Variants in FEZ1 observed in about 807,000 individuals in gnomAD.
The protein encoded by FEZ1 is fasciculation and elongation protein zeta 1.
Under a neutral mutation model 49.3 loss-of-function variants are expected in FEZ1, and 20 were observed. The observed-to-expected ratio is 0.41, with a 90% CI of 0.29 to 0.59. FEZ1 has a LOEUF of 0.59. FEZ1 is among the 20% of genes least tolerant of loss of function. The pLI, the probability that FEZ1 is intolerant of heterozygous loss-of-function variation, is 0.36. For missense variants in FEZ1, 413 were observed against 476.0 expected, an observed-to-expected ratio of 0.87 and a Z score of 1.23; for synonymous variants, 170 against 180.9, an observed-to-expected ratio of 0.94 and a Z score of 0.48.
chr11:125,475,680 C>G (rs1957224519), intron 3 of FEZ1, among the ~76,000 whole-genome samples: 1 of 151,970 alleles, frequency 6.6e-6, no homozygotes, highest in Non-Finnish European at 1.5e-5. Flanking sequence ...CAACAAACCC[C>G]CATGACACAA....
chr11:125,494,522 TAGACTTCCA>T (rs1957438079), intron 1 of FEZ1, among the ~76,000 whole-genome samples: 1 of 152,238 alleles, frequency 6.6e-6, no homozygotes, highest in African/African-American at 2.4e-5. Context: ...TTATTCCCTT[TAGACTTCCA>T]AGATCAAAAA....
In FEZ1 at chr11:125,490,121, C is replaced by T. The variant is rs1461001366; in HGVS notation, c.-45-299G>A. ...AGTAAACACAGGTGAGTGCTTAAAACAGTACCTGGAAGATAATAAGTGCCA... is the reference window on the plus strand; with the variant it reads ...AGTAAACACAGGTGAGTGCTTAAAATAGTACCTGGAAGATAATAAGTGCCA... On this transcript the variant is annotated intron_variant, in intron 1 of 9. Transcript: ENST00000278919. 2.0e-5 allele frequency among the ~76,000 whole-genome samples: 3 copies of T among 152,320 alleles called. No individual in the cohort carries two copies. The East Asian group carries it at 5.8e-4, about 29-fold the overall frequency.
At chr11:125,450,319 C>T (rs1448775586) in intron 8 of FEZ1, among the ~76,000 whole-genome samples, 1 of 152,216 alleles carries the variant, frequency 6.6e-6, no homozygotes, top group Non-Finnish European at 1.5e-5. Flanking sequence ...CGTGAGCCAC[C>T]ATACTCGGCC....
intron 6 of FEZ1, among the ~76,000 whole-genome samples, chr11:125,455,118 C>T (rs1225500846): frequency 1.3e-5 from 2 of 151,700 alleles, no homozygotes; most frequent in South Asian, 2.1e-4. Flanking sequence ...GGGCCAGGCA[C>T]GGTGGCTCAT....
At chr11:125,490,752 G>A (rs1957373692) in intron 1 of FEZ1, among the ~76,000 whole-genome samples, 1 of 151,926 alleles carries the variant, frequency 6.6e-6, no homozygotes, top group Non-Finnish European at 1.5e-5. Flanking sequence ...TCCAATAAAT[G>A]CCTGAGTTGT....
chr11:125,496,047 C>T (rs1293645201), intron 1 of FEZ1, 74 bp downstream of exon 1: 1 of 164,036 alleles, frequency 6.1e-6, no homozygotes, highest in Non-Finnish European at 1.3e-5. Context: ...CCCGGGGCCT[C>T]CTTACCACCC....
Position 125,475,275 on chromosome 11 carries a change from T to TACACACACACACAC in FEZ1, c.411+6245_411+6258dup, listed in dbSNP as rs67243081. ...ACACAGCAAGACCCTGTCTCAAAAA[T>TACACACACACACAC]ACACACACACACACACACACACACA... On this transcript the variant is annotated intron_variant, in intron 3 of 9. Transcript: ENST00000278919. 2.6e-3 allele frequency among the ~76,000 whole-genome samples: 366 copies of TACACACACACACAC among 141,800 alleles called. 3 individuals carry two copies. The highest frequency in any genetic ancestry group is 0.025 in the East Asian group (118 of 4,708). 93.0% of individuals were successfully genotyped at this position (141,800 alleles called of 152,430 possible).
At chr11:125,458,398 T>C (rs1347514355) in intron 5 of FEZ1, among the ~76,000 whole-genome samples, 3 of 152,244 alleles carry the variant, frequency 2.0e-5, no homozygotes, top group Non-Finnish European at 4.4e-5. Flanking sequence ...CAGCCGTTTC[T>C]TGTGCACAGT....
At position 125,492,968 on chromosome 11, in the gene FEZ1, T is replaced by TAA. The variant is rs200489748; in HGVS notation, c.-45-3148_-45-3147dup. On this transcript the variant is annotated intron_variant, in intron 1 of 9. Coordinates refer to ENST00000278919, the MANE Select transcript of FEZ1 (RefSeq NM_005103.5). ...GGGTGACAAAGTGAGACCCTATCTT[T>TAA]AAAAAAAAAAAAAAAAAAGTTAAAA... Among the ~76,000 whole-genome samples, 1,092 of 124,848 alleles carry TAA rather than the reference T, an allele frequency of 8.7e-3. 14 individuals are homozygous for TAA. Among genetic ancestry groups the TAA allele is most frequent in the African/African-American group, 0.027 (920 of 33,480 alleles). The allele number at this position is 124,848 out of a possible 152,430, so 81.9% of individuals were successfully genotyped here. A position where few individuals can be genotyped will look rare whatever the true frequency, so the allele number is the denominator to read the frequency against.
chr11:125,469,990 T>A (rs1957169715), intron 3 of FEZ1, among the ~76,000 whole-genome samples: 2 of 152,076 alleles, frequency 1.3e-5, no homozygotes, highest in Non-Finnish European at 2.9e-5. Context: ...GCTAGGATTA[T>A]AGGAGTAAAC....
Position 125,445,603 on chromosome 11 carries a change from G to A in FEZ1, c.*492C>T, listed in dbSNP as rs757116361. The A allele has an allele frequency of 2.4e-5, 6 of 252,230 alleles. No homozygotes were observed. Among genetic ancestry groups the A allele is most frequent in the South Asian group, 4.6e-5 (1 of 21,526 alleles). 15.6% of individuals were successfully genotyped at this position (252,230 alleles called of 1,614,324 possible). On this transcript the variant is annotated 3_prime_UTR_variant, in exon 10 of 10. Transcript: ENST00000278919. The surrounding 1 kb of genome is among the most constrained non-coding windows in gnomAD (Gnocchi z 4.4). Reference sequence around the variant, plus strand: ...CCACTGTGTCCCATGATCCCACCACGACCCACAACAGGACATGCGCCCGGT... The same window carrying A: ...CCACTGTGTCCCATGATCCCACCACAACCCACAACAGGACATGCGCCCGGT...
chr11:125,479,091 CTA>C (rs1372170072), intron 3 of FEZ1, among the ~76,000 whole-genome samples: 6 of 152,280 alleles, frequency 3.9e-5, no homozygotes, highest in African/African-American at 1.4e-4. Context: ...ACACAGCCTC[CTA>C]TGTCTGTGCT....
chr11:125,443,195 G>A lies in FEZ1; in HGVS notation c.*2900C>T, dbSNP rs192039360. Among the ~76,000 whole-genome samples the A allele has an allele frequency of 1.3e-5, 2 of 152,134 alleles. No individual in the cohort carries two copies. The highest frequency in any genetic ancestry group is 2.1e-4 in the South Asian group (1 of 4,828). ...ACCGTGGCTCTCTGGCACACTTTGC[G>A]GAGTGCGGACATCCTAGACAGGACT... On this transcript the variant is annotated 3_prime_UTR_variant, in exon 10 of 10. Transcript: ENST00000278919.
chr11:125,475,271 A>G (rs893857498), intron 3 of FEZ1, among the ~76,000 whole-genome samples: 2 of 105,724 alleles, frequency 1.9e-5, no homozygotes, highest in Non-Finnish European at 3.8e-5. Context: ...CCCTGTCTCA[A>G]AAATACACAC....
chr11:125,495,855 G>T lies in FEZ1; in HGVS notation c.-46+266C>A, dbSNP rs909557766. 2.2e-5 allele frequency: 7 copies of T among 317,652 alleles called. No homozygotes were observed. Among genetic ancestry groups the T allele is most frequent in the Non-Finnish European group, 4.3e-5 (7 of 161,336 alleles). The allele number at this position is 317,652 out of a possible 1,614,324, so 19.7% of individuals were successfully genotyped here. A position where few individuals can be genotyped will look rare whatever the true frequency, so the allele number is the denominator to read the frequency against. On this transcript the variant is annotated intron_variant, in intron 1 of 9. Coordinates refer to ENST00000278919, the MANE Select transcript of FEZ1 (RefSeq NM_005103.5). This position sits in a 1 kb window ranked among gnomAD's most constrained non-coding sequence, Gnocchi z 4.2. ...ACACACCAGGCCTGGCTGGAGGGCCGATGCTGAGATGATACTGGAAGTGCC... is the reference window on the plus strand; with the variant it reads ...ACACACCAGGCCTGGCTGGAGGGCCTATGCTGAGATGATACTGGAAGTGCC...
At position 125,463,573 on chromosome 11, in the gene FEZ1, GGA is replaced by G; in HGVS notation, c.412-5_412-4del. 3.8e-6 allele frequency: 6 copies of G among 1,590,630 alleles called. No homozygotes were observed. Among genetic ancestry groups the G allele is most frequent in the Non-Finnish European group, 5.2e-6 (6 of 1,158,804 alleles). On this transcript the variant is annotated splice_polypyrimidine_tract_variant and splice_region_variant and intron_variant, in intron 3 of 9. Coordinates refer to ENST00000278919, the MANE Select transcript of FEZ1 (RefSeq NM_005103.5). The stretch of plus-strand genomic sequence containing the variant: ...TCTTCCTCTTCTTTCTCATGGATCT[GGA>G]GAGGAGGTGGGGAGATGGAATTCTG...
In FEZ1 at chr11:125,489,555, G is replaced by A. The variant is rs776990874; in HGVS notation, c.223C>T (p.Arg75Trp). ...TTCTCGGTCTTGGCGTTGTAGTTCC[G>A]AAAGCAGACATTGAGCTTCTCATCA... Reference protein sequence around the residue: ...EFDEKLNVCFRNYNAKTENLA... With the variant: ...EFDEKLNVCFWNYNAKTENLA... Residue 75 changes from arginine (R) to tryptophan (W), a missense_variant, in exon 2 of 10, where the codon CGG becomes TGG. Coordinates refer to ENST00000278919, the MANE Select transcript of FEZ1 (RefSeq NM_005103.5). This position sits in a 1 kb window ranked among gnomAD's most constrained non-coding sequence, Gnocchi z 4.2. 17 of 1,614,028 alleles carry A rather than the reference G, an allele frequency of 1.1e-5. No homozygotes were observed. The highest frequency in any genetic ancestry group is 3.3e-5 in the South Asian group (3 of 91,076).
intron 1 of FEZ1, among the ~76,000 whole-genome samples, chr11:125,491,609 G>A (rs895292406): frequency 4.6e-5 from 7 of 152,214 alleles, no homozygotes; most frequent in South Asian, 2.1e-4. Flanking sequence ...AATTGGAGGC[G>A]CTTCCTGAGG....
chr11:125,452,526 G>A, intron 7 of FEZ1, 117 bp from the exon 8 acceptor site: 1 of 670,456 alleles, frequency 1.5e-6, no homozygotes, highest in Non-Finnish European at 2.7e-6. Context: ...AAACATTCAT[G>A]GTCACTGGTA....
Sources: allele counts gnomAD v4.1 joint callset (sites outside exome capture counted in the v4.1 genomes callset), GRCh38; gene constraint gnomAD v4.1.1; non-coding constraint Gnocchi (gnomAD v3.1); transcripts MANE v1.5; gene names NCBI Gene and HGNC (gene_info 2026-07-23, HGNC 2026-07-21).